KALRN: variants seen among roughly 807,000 people sequenced by gnomAD.
KALRN encodes the protein kalirin.
KALRN carries 70 observed loss-of-function variants against 353.7 expected under a neutral mutation model. That is an observed-to-expected ratio of 0.20 (90% CI 0.16 to 0.24). KALRN has a LOEUF of 0.24. KALRN is among the 10% of genes least tolerant of loss of function. The pLI is 1.00. For synonymous variants in KALRN, 1,391 were observed against 1,434.8 expected, an observed-to-expected ratio of 0.97 and a Z score of 0.69; for missense variants, 2,791 against 3,756.7, an observed-to-expected ratio of 0.74 and a Z score of 6.72.
rs928677057 is a variant in KALRN, at chr3:124,442,489, G to A, written c.3313+430G>A. ...AATATATTGAACAGCACAAGACTAG[G>A]GTGTCTTATAGCCTAGGAACAGAAT... On this transcript the variant is annotated intron_variant, in intron 19 of 59. Transcript: ENST00000682506. Among the ~76,000 whole-genome samples, 14 of 152,030 alleles carry A rather than the reference G, an allele frequency of 9.2e-5. 1 individual carries two copies.
At chr3:124,410,057 A>G (rs1435293671) in intron 13 of KALRN, among the ~76,000 whole-genome samples, 1 of 152,106 alleles carries the variant, frequency 6.6e-6, no homozygotes, top group Non-Finnish European at 1.5e-5. Context: ...GGAGGAGGGT[A>G]AGGAGAGGAG....
chr3:124,142,896 G>A (rs576672482), intron 1 of KALRN, among the ~76,000 whole-genome samples: 28 of 152,158 alleles, frequency 1.8e-4, no homozygotes, highest in Admixed American at 6.5e-4. Flanking sequence ...TAAATTTAAG[G>A]TAGTGTGTCA....
At chr3:124,214,968 A>G (rs1188523225) in intron 1 of KALRN, among the ~76,000 whole-genome samples, 1 of 152,220 alleles carries the variant, frequency 6.6e-6, no homozygotes. Flanking sequence ...CCTCGCTATC[A>G]GGATGTGTTT....
At chr3:124,111,237 G>GT (rs1421716847) in intron 1 of KALRN, among the ~76,000 whole-genome samples, 1 of 152,126 alleles carries the variant, frequency 6.6e-6, no homozygotes. Flanking sequence ...GATGGCTGCC[G>GT]TAACTCCATA....
intron 11 of KALRN, among the ~76,000 whole-genome samples, chr3:124,390,429 A>G (rs918704036): frequency 2.0e-5 from 3 of 152,186 alleles, no homozygotes; most frequent in African/African-American, 7.2e-5. Flanking sequence ...AATAGGTACA[A>G]ACATACCACA....
intron 34 of KALRN, among the ~76,000 whole-genome samples, chr3:124,626,179 T>G (rs753866072): frequency 7.2e-5 from 11 of 152,208 alleles, no homozygotes; most frequent in Non-Finnish European, 1.3e-4. Context: ...AAGTAATACC[T>G]ACATTATGAT....
chr3:124,384,796 T>C (rs1164849086), intron 10 of KALRN, 49 bp from the exon 11 acceptor site: 1 of 1,523,462 alleles, frequency 6.6e-7, no homozygotes, highest in Non-Finnish European at 8.9e-7. Context: ...GGTGGGCTGC[T>C]GGAAGGCGCG....
intron 1 of KALRN, among the ~76,000 whole-genome samples, chr3:124,073,810 T>A (rs945818483): frequency 7.9e-5 from 12 of 152,180 alleles, no homozygotes; most frequent in African/African-American, 2.4e-4. Flanking sequence ...GATTCGAACC[T>A]ATGGACATAG....
intron 3 of KALRN, among the ~76,000 whole-genome samples, chr3:124,249,572 T>C (rs1550750): frequency 0.9 from 137,575 of 152,090 alleles, 63,189 homozygotes; most frequent in Non-Finnish European, 1. Flanking sequence ...GCTGCAATCA[T>C]ACATACACTG....
At chr3:124,592,547 A>G (rs1299135787) in intron 34 of KALRN, among the ~76,000 whole-genome samples, 3 of 151,766 alleles carry the variant, frequency 2.0e-5, no homozygotes, top group Non-Finnish European at 2.9e-5. Context: ...TTTTTGGCCA[A>G]TATTTATTGC....
rs573456905 is a variant in KALRN at position 124,670,806 on chromosome 3, A to C, written c.6704-854A>C. On this transcript the variant is annotated intron_variant, in intron 47 of 59. Coordinates refer to ENST00000682506, the MANE Select transcript of KALRN (RefSeq NM_001388419.1). ...AGACCTTGCAACCTTGTTACCTTAA[A>C]CTCAATAAAACAAAGCTCCAGTCTT... Among the ~76,000 whole-genome samples, 2 of 152,088 alleles carry C rather than the reference A, an allele frequency of 1.3e-5. 1 individual carries two copies. Among genetic ancestry groups the C allele is most frequent in the South Asian group, 4.2e-4 (2 of 4,794 alleles).
intron 57 of KALRN, among the ~76,000 whole-genome samples, chr3:124,707,373 T>A (rs376048532): frequency 6.6e-6 from 1 of 151,904 alleles, no homozygotes; most frequent in Non-Finnish European, 1.5e-5. Context: ...GAAGAATGGC[T>A]AATGACAAGG....
At chr3:124,575,209 G>C (rs183680300) in intron 34 of KALRN, among the ~76,000 whole-genome samples, 1 of 152,296 alleles carries the variant, frequency 6.6e-6, no homozygotes, top group East Asian at 1.9e-4. Context: ...CCAGAATCTT[G>C]ATTCTCAGAT....
intron 1 of KALRN, among the ~76,000 whole-genome samples, chr3:124,197,389 G>A (rs2150362519): frequency 6.6e-6 from 1 of 152,294 alleles, no homozygotes; most frequent in East Asian, 1.9e-4. Flanking sequence ...CAAGCCTTGT[G>A]TGCTACTTAT....
In KALRN at chr3:124,719,676, T is replaced by G; in HGVS notation, c.*206T>G. On this transcript the variant is annotated 3_prime_UTR_variant, in exon 60 of 60. Coordinates refer to ENST00000682506, the MANE Select transcript of KALRN (RefSeq NM_001388419.1). The surrounding 1 kb of genome is among the most constrained non-coding windows in gnomAD (Gnocchi z 5.3). The stretch of plus-strand genomic sequence containing the variant: ...AATCAAGGGGCTTTTCAGAAGGTCA[T>G]TCTGAAGAAATAAAGAGGCAAAGGG... 1.8e-6 allele frequency: 1 copy of G among 553,852 alleles called. No homozygotes were observed. Among genetic ancestry groups the G allele is most frequent in the Admixed American group, 3.2e-5 (1 of 31,674 alleles). The allele number at this position is 553,852 out of a possible 1,614,324, so 34.3% of individuals were successfully genotyped here.
At position 124,420,388 on chromosome 3, in the gene KALRN, C is replaced by T. The variant is rs74534035; in HGVS notation, c.2543-2424C>T. ...AATATGAGCTACAACAAATCCGCATCAAGACTGGAAGTGAGAAAGAGCGTC... is the reference window on the plus strand; with the variant it reads ...AATATGAGCTACAACAAATCCGCATTAAGACTGGAAGTGAGAAAGAGCGTC... On this transcript the variant is annotated intron_variant, in intron 14 of 59. Transcript: ENST00000682506. Among the ~76,000 whole-genome samples, 969 of 152,342 alleles carry T rather than the reference C, an allele frequency of 6.4e-3. 12 individuals carry two copies. The highest frequency in any genetic ancestry group is 0.021 in the African/African-American group (877 of 41,584).
Position 124,204,753 on chromosome 3 carries a change from G to A in KALRN, c.74-23237G>A, listed in dbSNP as rs115025027. Among the ~76,000 whole-genome samples, 329 of 152,318 alleles carry A rather than the reference G, an allele frequency of 2.2e-3. 1 individual carries two copies. The highest frequency in any genetic ancestry group is 5.4e-3 in the East Asian group (28 of 5,192). ...TTTTAGAATTTACCTCAAGGGACCT[G>A]TGATGCCTCCCCCATCTCTTAGTTT... is the stretch of plus-strand genomic sequence containing the variant. On this transcript the variant is annotated intron_variant, in intron 1 of 59. Transcript: ENST00000682506.
Position 124,329,848 on chromosome 3 carries a change from C to A in KALRN, c.1285-13C>A. On this transcript the variant is annotated splice_polypyrimidine_tract_variant and intron_variant, in intron 7 of 59. Transcript: ENST00000682506. ...AGTGCTCCCCCACTGATCCACCCTGCATCTCCTTCCAGTTCCTGTCGGGAG... is the reference window on the plus strand; with the variant it reads ...AGTGCTCCCCCACTGATCCACCCTGAATCTCCTTCCAGTTCCTGTCGGGAG... 3 of 1,611,680 alleles carry A rather than the reference C, an allele frequency of 1.9e-6. No individual in the cohort carries two copies. The South Asian group carries it at 3.3e-5, about 18-fold the overall frequency.
chr3:124,479,678 A>G (rs1183198516), intron 27 of KALRN, among the ~76,000 whole-genome samples: 2 of 151,610 alleles, frequency 1.3e-5, no homozygotes, highest in African/African-American at 4.8e-5. Flanking sequence ...ACAGAGAATT[A>G]AAGTCCTAGA....
Sources: gnomAD v4.1 joint callset for allele counts (sites outside exome capture counted in the v4.1 genomes callset) on GRCh38, gnomAD v4.1.1 for gene constraint, Gnocchi (gnomAD v3.1) non-coding constraint, MANE v1.5 for transcripts, NCBI Gene and HGNC (gene_info 2026-07-23, HGNC 2026-07-21) for gene names.